Variants in DAPK1 observed in about 807,000 individuals in gnomAD.
The protein encoded by DAPK1 is death associated protein kinase 1.
DAPK1 carries 56 observed loss-of-function variants against 144.9 expected under a neutral mutation model. The observed-to-expected ratio is 0.39, with a 90% CI of 0.31 to 0.48. The LOEUF is 0.48. Among genes scored for constraint, DAPK1 ranks in the 20% least tolerant of loss-of-function variants. The pLI is 0.95. For missense variants in DAPK1, 1,454 were observed against 1,875.4 expected (o/e 0.78, Z 4.15); for synonymous variants, 690 against 749.0 (o/e 0.92, Z 1.29).
intron 2 of DAPK1, among the ~76,000 whole-genome samples, chr9:87,545,430 T>C (rs954964691): frequency 2.6e-5 from 4 of 152,158 alleles, no homozygotes; most frequent in African/African-American, 9.7e-5. Context: ...AATTCATTAG[T>C]TTCAATTTTA....
intron 19 of DAPK1, among the ~76,000 whole-genome samples, chr9:87,679,751 A>G (rs1056355033): frequency 1.3e-5 from 2 of 152,092 alleles, no homozygotes; most frequent in Non-Finnish European, 2.9e-5. Context: ...CATTCTGTGG[A>G]GCCTCCTGCT....
chr9:87,560,046 C>T (rs1304463392), intron 2 of DAPK1, among the ~76,000 whole-genome samples: 1 of 151,506 alleles, frequency 6.6e-6, no homozygotes, highest in Admixed American at 6.6e-5. Context: ...GCTCTGTCGC[C>T]CAGGCTCGAT....
At chr9:87,650,206 AT>A in intron 16 of DAPK1, 88 bp downstream of exon 16, 4 of 1,371,776 alleles carry the variant, frequency 2.9e-6, no homozygotes, top group Non-Finnish European at 4.1e-6. Flanking sequence ...TTTCCCTAAG[AT>A]AACAAACTTG....
At chr9:87,658,449 C>T (rs1026683015) in intron 18 of DAPK1, among the ~76,000 whole-genome samples, 3 of 152,162 alleles carry the variant, frequency 2.0e-5, no homozygotes, top group African/African-American at 7.2e-5. Flanking sequence ...TTCCTAAATG[C>T]TCCTCTGCCC....
intron 18 of DAPK1, among the ~76,000 whole-genome samples, chr9:87,663,898 C>G (rs1231117002): frequency 1.3e-5 from 2 of 152,090 alleles, no homozygotes; most frequent in Non-Finnish European, 2.9e-5. Context: ...CTCTCCTCAC[C>G]TATTTGCATC....
chr9:87,703,293 G>T, intron 25 of DAPK1, 76 bp downstream of exon 25: 1 of 790,754 alleles, frequency 1.3e-6, no homozygotes, highest in Non-Finnish European at 2.1e-6. Flanking sequence ...CCAGCTCTTG[G>T]AAGTGGTGTG....
rs1825628924 is a variant in DAPK1 at position 87,706,223 on chromosome 9, T to G, written c.3152T>G (p.Val1051Gly). 6.2e-7 allele frequency: 1 copy of G among 1,613,518 alleles called. No homozygotes were observed. Among genetic ancestry groups the G allele is most frequent in the African/African-American group, 1.3e-5 (1 of 74,916 alleles). The change falls in exon 26 of 26, where the codon GTG (valine) becomes GGG (glycine). Residue 1051 changes from valine to glycine, a missense_variant. By Grantham distance (109) the Val-to-Gly change is moderately radical. Transcript: ENST00000408954. This position sits in a 1 kb window ranked among gnomAD's most constrained non-coding sequence, Gnocchi z 9.0. ...AACGTCCTGGGGAAGTTGCTGTCCG[T>G]GGAGACCCCACGGGCGCTGCACCAC... is the stretch of plus-strand genomic sequence containing the variant. ...CTNVLGKLLSVETPRALHHYR... is the reference protein window; with the variant it reads ...CTNVLGKLLSGETPRALHHYR...
At chr9:87,671,720 G>A (rs1824165122) in intron 19 of DAPK1, among the ~76,000 whole-genome samples, 1 of 152,116 alleles carries the variant, frequency 6.6e-6, no homozygotes, top group African/African-American at 2.4e-5. Flanking sequence ...TCAATACATT[G>A]CCCAGGCTGT....
At chr9:87,700,294 C>G (rs1040874343) in intron 24 of DAPK1, 57 bp downstream of exon 24, 5 of 1,486,810 alleles carry the variant, frequency 3.4e-6, no homozygotes, top group Non-Finnish European at 3.8e-6. Flanking sequence ...TGGTTTGCCT[C>G]TGGTTTCAGG....
intron 3 of DAPK1, among the ~76,000 whole-genome samples, chr9:87,627,356 C>T (rs1010489143): frequency 6.6e-6 from 1 of 152,190 alleles, no homozygotes; most frequent in Non-Finnish European, 1.5e-5. Context: ...TAAGACTTTA[C>T]TGAGAGCTGA....
intron 2 of DAPK1, among the ~76,000 whole-genome samples, chr9:87,584,928 C>T (rs540435204): frequency 6.6e-6 from 1 of 152,166 alleles, no homozygotes; most frequent in Non-Finnish European, 1.5e-5. Flanking sequence ...CCACCCACCT[C>T]GGCCTCTCAA....
rs1825649079 is a variant in DAPK1 at position 87,706,646 on chromosome 9, A to G, written c.3575A>G (p.Gln1192Arg). The change falls in exon 26 of 26, where the codon CAG becomes CGG. Residue 1192 changes from glutamine (Q) to arginine (R), a missense_variant. Physicochemically the swap from Gln to Arg is conservative, Grantham distance 43 (BLOSUM62 1). Coordinates refer to ENST00000408954, the MANE Select transcript of DAPK1 (RefSeq NM_004938.4). The surrounding 1 kb of genome is among the most constrained non-coding windows in gnomAD (Gnocchi z 9.0). ...ELLVLLVNHG[Q>R]GIEVQVRGLE... The stretch of plus-strand genomic sequence containing the variant: ...CTGGTGCTGCTGGTCAACCACGGCC[A>G]GGGCATTGAGGTCCAGGTCCGCGGC... 3 of 1,612,566 alleles carry G rather than the reference A, an allele frequency of 1.9e-6. No individual in the cohort carries two copies. The highest frequency in any genetic ancestry group is 2.7e-5 in the African/African-American group (2 of 74,926).
intron 2 of DAPK1, among the ~76,000 whole-genome samples, chr9:87,535,605 C>A (rs1825833222): frequency 6.6e-6 from 1 of 151,872 alleles, no homozygotes; most frequent in African/African-American, 2.4e-5. Context: ...TAGTCTCTGC[C>A]CTACTTAACC....
chr9:87,610,711 G>A (rs779495015), intron 3 of DAPK1, among the ~76,000 whole-genome samples: 3 of 152,222 alleles, frequency 2.0e-5, no homozygotes, highest in Non-Finnish European at 2.9e-5. Context: ...CACCAGCCGT[G>A]GAGACTGTGG....
chr9:87,639,971 T>G (rs1208189778), intron 7 of DAPK1, among the ~76,000 whole-genome samples, 156 bp downstream of exon 7: 2 of 152,230 alleles, frequency 1.3e-5, no homozygotes, highest in East Asian at 1.9e-4. Context: ...TAGTTTATAC[T>G]AATTAAACAT....
Position 87,707,439 on chromosome 9 carries a change from GGAGA to G in DAPK1, c.*76_*79del. 1 of 1,036,130 alleles carries G rather than the reference GGAGA, an allele frequency of 9.7e-7. No individual in the cohort carries two copies. The allele number at this position is 1,036,130 out of a possible 1,614,324, so 64.2% of individuals were successfully genotyped here. ...GGTGATGTAGCCCATCCTTCCCTTT[GGAGA>G]TGCTGAGGGTGTTTCTTCCTGCACC... On this transcript the variant is annotated 3_prime_UTR_variant, in exon 26 of 26. Coordinates refer to ENST00000408954, the MANE Select transcript of DAPK1 (RefSeq NM_004938.4). The surrounding 1 kb of genome is among the most constrained non-coding windows in gnomAD (Gnocchi z 4.0).
chr9:87,669,356 C>G (rs1438474708), intron 19 of DAPK1, among the ~76,000 whole-genome samples: 1 of 145,266 alleles, frequency 6.9e-6, no homozygotes, highest in Non-Finnish European at 1.5e-5. Flanking sequence ...GGGGGGGTCA[C>G]TGGGCTTCAA....
intron 2 of DAPK1, among the ~76,000 whole-genome samples, chr9:87,551,472 G>A (rs2118563713): frequency 6.6e-6 from 1 of 152,296 alleles, no homozygotes; most frequent in Non-Finnish European, 1.5e-5. Flanking sequence ...AAGCCAATCT[G>A]TTGGTTTCCC....
chr9:87,501,496 G>A (rs1563960869), intron 2 of DAPK1, among the ~76,000 whole-genome samples: 1 of 152,070 alleles, frequency 6.6e-6, no homozygotes, highest in African/African-American at 2.4e-5. Flanking sequence ...AGTGAATGGA[G>A]ATCGCGCCAC....
Sources: gnomAD v4.1 joint callset for allele counts (sites outside exome capture counted in the v4.1 genomes callset) on GRCh38, gnomAD v4.1.1 for gene constraint, Gnocchi (gnomAD v3.1) non-coding constraint, MANE v1.5 for transcripts, NCBI Gene and HGNC (gene_info 2026-07-23, HGNC 2026-07-21) for gene names.